The following PDZRN3 variants were observed in gnomAD, a reference collection of about 807,000 sequenced individuals.
The protein encoded by PDZRN3 is PDZ domain containing ring finger 3, also known as E3 ubiquitin-protein ligase PDZRN3.
A neutral mutation model predicts 85.7 loss-of-function variants in PDZRN3; 38 were observed. The ratio of observed to expected loss-of-function variants is 0.44; its 90% CI spans 0.34 to 0.58. PDZRN3 has a LOEUF of 0.58. Ranked by LOEUF, PDZRN3 falls within the 20% of genes least tolerant of loss-of-function variation. The pLI, the probability that PDZRN3 is intolerant of heterozygous loss-of-function variation, is 0.01. For synonymous variants in PDZRN3, 759 were observed against 638.0 expected (o/e 1.19, Z -2.86); for missense variants, 1,629 against 1,506.4 (o/e 1.08, Z -1.35).
chr3:73,591,815 A>G (rs1428606153), intron 3 of PDZRN3, among the ~76,000 whole-genome samples: 1 of 152,228 alleles, frequency 6.6e-6, no homozygotes. Context: ...ATCTGATTCC[A>G]GAGTCCTTAG....
At chr3:73,576,027 G>T (rs1054762083) in intron 3 of PDZRN3, among the ~76,000 whole-genome samples, 3 of 152,080 alleles carry the variant, frequency 2.0e-5, no homozygotes, top group Non-Finnish European at 4.4e-5. Flanking sequence ...ATCAAGCGAA[G>T]TCATCTTCTG....
intron 3 of PDZRN3, among the ~76,000 whole-genome samples, chr3:73,409,310 G>C (rs892646068): frequency 1.3e-5 from 2 of 152,152 alleles, no homozygotes; most frequent in Non-Finnish European, 2.9e-5. Context: ...AATTTGGGCC[G>C]GAATAACATT....
At chr3:73,391,146 C>T (rs771594061) in intron 5 of PDZRN3, 30 bp from the exon 6 acceptor site, 29 of 1,344,858 alleles carry the variant, frequency 2.2e-5, no homozygotes, top group Non-Finnish European at 2.9e-5. Flanking sequence ...CCCAGTGAGA[C>T]TCCAGCAGGC....
chr3:73,484,847 GA>G (rs1340578980), intron 3 of PDZRN3, among the ~76,000 whole-genome samples: 6 of 152,288 alleles, frequency 3.9e-5, no homozygotes, highest in Admixed American at 2.6e-4. Context: ...GTTTGCATAT[GA>G]AAGTCCTAGA....
At chr3:73,459,192 A>G (rs919761937) in intron 3 of PDZRN3, among the ~76,000 whole-genome samples, 4 of 151,972 alleles carry the variant, frequency 2.6e-5, no homozygotes, top group Non-Finnish European at 4.4e-5. Context: ...AGAACTCACT[A>G]TCATAAGAAC....
chr3:73,424,497 G>A (rs868048416), intron 3 of PDZRN3, among the ~76,000 whole-genome samples: 18 of 139,202 alleles, frequency 1.3e-4, no homozygotes, highest in Non-Finnish European at 1.8e-4. Context: ...AGCTGAGATC[G>A]TGCCACTGCA....
intron 3 of PDZRN3, among the ~76,000 whole-genome samples, chr3:73,515,464 C>T (rs188999627): frequency 2.3e-3 from 357 of 152,322 alleles, no homozygotes; most frequent in African/African-American, 8.4e-3. Flanking sequence ...GCGTGAGCCA[C>T]CACGCCCGGC....
Position 73,384,437 on chromosome 3 carries a change from T to G in PDZRN3, c.2129A>C (p.Gln710Pro), listed in dbSNP as rs1559646535. The G allele has an allele frequency of 6.8e-6, 11 of 1,611,862 alleles. No homozygotes were observed. The highest frequency in any genetic ancestry group is 9.3e-6 in the Non-Finnish European group (11 of 1,180,020). The change falls in exon 10 of 10, where the codon CAG (glutamine) becomes CCG (proline). Residue 710 changes from glutamine (Q) to proline (P), a missense_variant. Gln to Pro is a moderately conservative substitution (Grantham distance 76). Transcript: ENST00000263666. ...GGACTCGCGGTACTGCTCCTTGAGC[T>G]GCTGCATCTTGTGGGCGCGCACGAT... ...LSIVRAHKMQQLKEQYRESWM... is the reference protein window; with the variant it reads ...LSIVRAHKMQPLKEQYRESWM...
At chr3:73,586,541 C>T (rs1460373018) in intron 3 of PDZRN3, among the ~76,000 whole-genome samples, 4 of 152,222 alleles carry the variant, frequency 2.6e-5, no homozygotes, top group Non-Finnish European at 5.9e-5. Flanking sequence ...TGTCCCTGCT[C>T]TCAAGAGCTT....
chr3:73,533,738 A>G (rs576034603), intron 3 of PDZRN3, among the ~76,000 whole-genome samples: 1 of 152,306 alleles, frequency 6.6e-6, no homozygotes, highest in Admixed American at 6.5e-5. Context: ...AACCCAGGAT[A>G]GAGAAGGCAA....
intron 3 of PDZRN3, among the ~76,000 whole-genome samples, chr3:73,427,533 A>G (rs1198048006): frequency 6.6e-6 from 1 of 151,956 alleles, no homozygotes; most frequent in South Asian, 2.1e-4. Context: ...TCACTATTCC[A>G]TATGTTTCCT....
chr3:73,567,112 CAA>C (rs1479250981), intron 3 of PDZRN3, among the ~76,000 whole-genome samples: 1 of 152,140 alleles, frequency 6.6e-6, no homozygotes, highest in East Asian at 1.9e-4. Context: ...GACATGCCCT[CAA>C]AAAGTCATCC....
intron 1 of PDZRN3, among the ~76,000 whole-genome samples, chr3:73,621,222 C>T (rs1216458557): frequency 6.6e-6 from 1 of 152,174 alleles, no homozygotes; most frequent in African/African-American, 2.4e-5. Flanking sequence ...AACGTCTATG[C>T]TGGTACAGCA....
chr3:73,390,672 A>AGAGG (rs1701505236), intron 6 of PDZRN3, among the ~76,000 whole-genome samples: 1 of 151,212 alleles, frequency 6.6e-6, no homozygotes, highest in Non-Finnish European at 1.5e-5. Context: ...AGAGAGAGAG[A>AGAGG]GGCTTTAAAA....
intron 8 of PDZRN3, among the ~76,000 whole-genome samples, chr3:73,387,750 G>A (rs1294641321): frequency 2.0e-5 from 3 of 152,036 alleles, no homozygotes; most frequent in Non-Finnish European, 4.4e-5. Flanking sequence ...ATTAATGAAC[G>A]TCGTGGGCCT....
intron 3 of PDZRN3, among the ~76,000 whole-genome samples, chr3:73,532,714 T>A (rs1332358311): frequency 1.3e-5 from 2 of 152,198 alleles, no homozygotes; most frequent in African/African-American, 4.8e-5. Flanking sequence ...AGAACAAAGA[T>A]GACCTCGCAG....
intron 3 of PDZRN3, among the ~76,000 whole-genome samples, chr3:73,600,196 G>T (rs550311932): frequency 6.6e-6 from 1 of 151,986 alleles, no homozygotes; most frequent in Non-Finnish European, 1.5e-5. Flanking sequence ...ATACCCCTTT[G>T]CAAGAATTAA....
At chr3:73,441,117 TA>T (rs1346248250) in intron 3 of PDZRN3, among the ~76,000 whole-genome samples, 1 of 152,052 alleles carries the variant, frequency 6.6e-6, no homozygotes, top group Non-Finnish European at 1.5e-5. Context: ...AACAACCATT[TA>T]AAAATGTAAA....
chr3:73,482,951 G>C (rs1449734969), intron 3 of PDZRN3, among the ~76,000 whole-genome samples: 1 of 152,222 alleles, frequency 6.6e-6, no homozygotes, highest in Non-Finnish European at 1.5e-5. Context: ...ACACCAAGGG[G>C]CTTAGGAAAT....
Sources: allele counts gnomAD v4.1 joint callset (sites outside exome capture counted in the v4.1 genomes callset), GRCh38; gene constraint gnomAD v4.1.1; transcripts MANE v1.5; gene names NCBI Gene and HGNC (gene_info 2026-07-23, HGNC 2026-07-21).